Variants in KCNH2 observed in about 807,000 individuals in gnomAD.
The protein encoded by KCNH2 is voltage-gated inwardly rectifying potassium channel KCNH2.
In KCNH2, 35 loss-of-function variants were observed where a neutral mutation model predicts 95.9. That is an observed-to-expected ratio of 0.37 (90% CI 0.28 to 0.48). KCNH2 has a LOEUF of 0.48. Ranked by LOEUF, KCNH2 falls within the 20% of genes least tolerant of loss-of-function variation. The pLI is 0.99. For synonymous variants in KCNH2, 786 were observed against 754.7 expected (o/e 1.04, Z -0.68); for missense variants, 1,274 against 1,702.9 (o/e 0.75, Z 4.43).
rs199473001 is a variant in KCNH2 at position 150,948,990 on chromosome 7, C to T, written c.2458G>A (p.Gly820Arg). The T allele has an allele frequency of 4.3e-6, 7 of 1,614,224 alleles. No homozygotes were observed. The highest frequency in any genetic ancestry group is 1.1e-5 in the South Asian group (1 of 91,080). Residue 820 changes from glycine (G) to arginine (R), a missense_variant, in exon 10 of 15, where the codon GGG becomes AGG. By Grantham distance (125) the Gly-to-Arg change is moderately radical (BLOSUM62 -2). Around this residue, in one of 7 missense-constraint regions of KCNH2, gnomAD observed 159 missense variants for 282.5 expected, o/e 0.56. Coordinates refer to ENST00000262186, the MANE Select transcript of KCNH2 (RefSeq NM_000238.4). ...NLYARPGKSN[G>R]DVRALTYCDL... ...CAGTAGGTGAGGGCCCGCACATCCC[C>T]GTTCGACTTGCCAGGCCTTGCATAC... is the stretch of plus-strand genomic sequence containing the variant.
intron 2 of KCNH2, among the ~76,000 whole-genome samples, chr7:150,967,545 G>C (rs578074857): frequency 6.6e-6 from 1 of 152,334 alleles, no homozygotes; most frequent in East Asian, 1.9e-4. Context: ...CAGCGGAAAA[G>C]AACAGACTGT....
intron 5 of KCNH2, chr7:150,955,664 G>A: frequency 4.3e-6 from 6 of 1,403,954 alleles, no homozygotes; most frequent in Non-Finnish European, 5.5e-6. Flanking sequence ...GGTTGTGGCT[G>A]GGCCCCAGGG....
At chr7:150,964,948 A>G (rs966600095) in intron 2 of KCNH2, among the ~76,000 whole-genome samples, 2 of 152,208 alleles carry the variant, frequency 1.3e-5, no homozygotes, top group African/African-American at 4.8e-5. Flanking sequence ...CCAGGGGCCT[A>G]GGAAAGGCCA....
intron 5 of KCNH2, among the ~76,000 whole-genome samples, chr7:150,953,764 T>C (rs1371048994): frequency 1.3e-5 from 2 of 152,186 alleles, no homozygotes; most frequent in East Asian, 1.9e-4. Context: ...CTCTCAGGCA[T>C]GCAGCTCAAC....
At chr7:150,957,533 C>A in intron 4 of KCNH2, 31 bp from the exon 5 acceptor site, 1 of 1,388,284 alleles carries the variant, frequency 7.2e-7, no homozygotes, top group South Asian at 1.2e-5. Flanking sequence ...GTCAGGCCAG[C>A]AGCCCAGGGC....
Position 150,945,300 on chromosome 7 carries a change from A to G in KCNH2, c.*65T>C. On this transcript the variant is annotated 3_prime_UTR_variant, in exon 15 of 15. Transcript: ENST00000262186. The surrounding 1 kb of genome is among the most constrained non-coding windows in gnomAD (Gnocchi z 5.6). ...TCAGGGCCTCCTGAGCAGGGCCTCC[A>G]AGGGGAGCGGCCCAGCAGCGCCTTG... The G allele has an allele frequency of 6.6e-7, 1 of 1,516,784 alleles. No individual in the cohort carries two copies. The highest frequency in any genetic ancestry group is 8.9e-7 in the Non-Finnish European group (1 of 1,122,484). 94.0% of individuals were successfully genotyped at this position (1,516,784 alleles called of 1,614,324 possible).
intron 9 of KCNH2, 169 bp downstream of exon 9, chr7:150,949,999 C>A (rs574044844): frequency 2.6e-6 from 4 of 1,559,704 alleles, no homozygotes; most frequent in Non-Finnish European, 3.5e-6. Flanking sequence ...CGTGGGGCTC[C>A]TCTCCATGGC....
Position 150,952,806 on chromosome 7 carries a change from T to A in KCNH2, c.1176A>T (p.Ala392=). Residue 392 remains alanine (A), a synonymous_variant, in exon 6 of 15, where the codon GCA becomes GCT. Coordinates refer to ENST00000262186, the MANE Select transcript of KCNH2 (RefSeq NM_000238.4). This position sits in a 1 kb window ranked among gnomAD's most constrained non-coding sequence, Gnocchi z 7.3. ...GGATGGTCCAGCGGTGGATGCGCGG[T>A]GCCTGCAGCTTGTACTCAGGCAGCA... ...ADVLPEYKLQ[A]PRIHRWTILH... 6.2e-7 allele frequency: 1 copy of A among 1,614,008 alleles called. No individual in the cohort carries two copies. Among genetic ancestry groups the A allele is most frequent in the South Asian group, 1.1e-5 (1 of 91,076 alleles).
chr7:150,977,817 T>G, intron 1 of KCNH2, 21 bp downstream of exon 1: 61 of 297,798 alleles, frequency 2.0e-4, no homozygotes, highest in Middle Eastern at 9.0e-4. Context: ...CCCTCCCCGC[T>G]CAGCCCCCTC....
intron 2 of KCNH2, among the ~76,000 whole-genome samples, chr7:150,973,027 T>C (rs367817334): frequency 2.6e-4 from 39 of 152,304 alleles, no homozygotes; most frequent in Middle Eastern, 6.8e-3. Context: ...AGGCACTCTC[T>C]ATGAAAGCTC....
chr7:150,974,611 G>GCCCCCCCCCCCC, intron 2 of KCNH2, 100 bp downstream of exon 2: 3 of 795,736 alleles, frequency 3.8e-6, no homozygotes, highest in South Asian at 1.7e-5. Context: ...TTCTCCAGCC[G>GCCCCCCCCCCCC]CCCCCACACC....
Position 150,945,196 on chromosome 7 carries a change from GC to G in KCNH2, c.*168del. The G allele has an allele frequency of 1.3e-6, 1 of 744,100 alleles. No homozygotes were observed. The highest frequency in any genetic ancestry group is 2.1e-6 in the Non-Finnish European group (1 of 469,016). 46.1% of individuals were successfully genotyped at this position (744,100 alleles called of 1,614,324 possible). Reference sequence around the variant, plus strand: ...CCCTGCCCCTGCCCCTCTCACTGGGGCCCAGGGGACTGCAGGAGAAGATGGT... The same window carrying G: ...CCCTGCCCCTGCCCCTCTCACTGGGGCCAGGGGACTGCAGGAGAAGATGGT... On this transcript the variant is annotated 3_prime_UTR_variant, in exon 15 of 15. Transcript: ENST00000262186. This position sits in a 1 kb window ranked among gnomAD's most constrained non-coding sequence, Gnocchi z 5.6.
chr7:150,974,687 G>T, intron 2 of KCNH2, 24 bp downstream of exon 2: 1 of 1,544,742 alleles, frequency 6.5e-7, no homozygotes, highest in Non-Finnish European at 8.8e-7. Context: ...CCCTGGTCGT[G>T]GCCCCGCCCC....
At position 150,957,343 on chromosome 7, in the gene KCNH2, A is replaced by G; in HGVS notation, c.1076T>C (p.Ile359Thr). 1 of 1,611,034 alleles carries G rather than the reference A, an allele frequency of 6.2e-7. No homozygotes were observed. Among genetic ancestry groups the G allele is most frequent in the Non-Finnish European group, 8.5e-7 (1 of 1,178,680 alleles). Residue 359 changes from isoleucine (I) to threonine (T), a missense_variant, in exon 5 of 15, where the codon ATA becomes ACA. Coordinates refer to ENST00000262186, the MANE Select transcript of KCNH2 (RefSeq NM_000238.4). ...LASPTSDREIIAPKIKERTHN... is the reference protein window; with the variant it reads ...LASPTSDREITAPKIKERTHN... ...GGTTCGCTCCTTTATCTTAGGTGCTATGATCTCACGGTCACTGGTGGGCGA... is the reference window on the plus strand; with the variant it reads ...GGTTCGCTCCTTTATCTTAGGTGCTGTGATCTCACGGTCACTGGTGGGCGA...
At position 150,952,191 on chromosome 7, in the gene KCNH2, G is replaced by A. The variant is rs906247314; in HGVS notation, c.1557+234C>T. Among the ~76,000 whole-genome samples the A allele has an allele frequency of 2.0e-5, 3 of 152,222 alleles. No individual in the cohort carries two copies. The highest frequency in any genetic ancestry group is 1.3e-4 in the Admixed American group (2 of 15,288). ...AATTAGAAAAAAAGGTGTCCTGTGT[G>A]GCCCTCTGCAACCTGCGAGGAGCTT... On this transcript the variant is annotated intron_variant, in intron 6 of 14. Coordinates refer to ENST00000262186, the MANE Select transcript of KCNH2 (RefSeq NM_000238.4). The surrounding 1 kb of genome is among the most constrained non-coding windows in gnomAD (Gnocchi z 7.3).
In KCNH2 at chr7:150,951,643, C is replaced by T. The variant is rs199473428; in HGVS notation, c.1750G>A (p.Gly584Ser). The T allele has an allele frequency of 9.3e-6, 15 of 1,614,238 alleles. No individual in the cohort carries two copies. The highest frequency in any genetic ancestry group is 1.2e-5 in the Non-Finnish European group (14 of 1,180,048). Residue 584 changes from glycine (G) to serine (S), a missense_variant, in exon 7 of 15, where the codon GGC becomes AGC. Gly to Ser is a moderately conservative substitution (Grantham distance 56, BLOSUM62 0). Around this residue, in one of 7 missense-constraint regions of KCNH2, gnomAD observed 147 missense variants for 344.4 expected, o/e 0.43. Coordinates refer to ENST00000262186, the MANE Select transcript of KCNH2 (RefSeq NM_000238.4). ...MEQPHMDSRI[G>S]WLHNLGDQIG... ...TGGTCGCCCAGGTTGTGCAGCCAGC[C>T]GATGCGTGAGTCCATGTGTGGCTGC... is the stretch of plus-strand genomic sequence containing the variant.
chr7:150,975,595 TC>T (rs139784097), intron 1 of KCNH2, among the ~76,000 whole-genome samples: 6,309 of 152,274 alleles, frequency 0.041, 158 homozygotes, highest in African/African-American at 0.054. Flanking sequence ...GGACGCTGCA[TC>T]TCATTAGGTC....
intron 9 of KCNH2, chr7:150,949,448 C>G: frequency 1.5e-6 from 1 of 672,876 alleles, no homozygotes; most frequent in Non-Finnish European, 1.9e-6. Context: ...AAAGAACATA[C>G]AGTAGTATAG....
intron 2 of KCNH2, among the ~76,000 whole-genome samples, chr7:150,965,348 G>A (rs1801675094): frequency 6.6e-6 from 1 of 152,120 alleles, no homozygotes; most frequent in South Asian, 2.1e-4. Flanking sequence ...CCACAGCAAT[G>A]CCTCAGAAGA....
Sources: gnomAD v4.1 joint callset for allele counts (sites outside exome capture counted in the v4.1 genomes callset) on GRCh38, gnomAD v4.1.1 for gene constraint, gnomAD v4.1.1 regional missense constraint, Gnocchi (gnomAD v3.1) non-coding constraint, MANE v1.5 for transcripts, NCBI Gene and HGNC (gene_info 2026-07-23, HGNC 2026-07-21) for gene names.